Variants in CLCA4 observed in about 807,000 individuals in gnomAD.
The protein encoded by CLCA4 is calcium-activated chloride channel regulator 4.
A neutral mutation model predicts 78.9 loss-of-function variants in CLCA4; 69 were observed. The observed-to-expected ratio is 0.87, with a 90% confidence interval of 0.72 to 1.07. The LOEUF is 1.07. Ranked by LOEUF, CLCA4 falls within the 50% of genes least tolerant of loss-of-function variation. CLCA4 has a pLI of 0.00. For synonymous variants in CLCA4, 362 were observed against 375.8 expected (o/e 0.96, Z 0.42); for missense variants, 1,133 against 1,095.8 (o/e 1.03, Z -0.48).
Position 86,559,932 on chromosome 1 carries a change from G to C in CLCA4, c.160G>C (p.Asp54His), listed in dbSNP as rs764538668. The part of the protein sequence containing the change: ...EDEKIIEQIE[D>H]MVTTASTYLF... Reference sequence around the variant, plus strand: ...CACATATTTTTTCCTTTAATGACAGGATATGGTGACTACAGCTTCTACGTA... The same window carrying C: ...CACATATTTTTTCCTTTAATGACAGCATATGGTGACTACAGCTTCTACGTA... The change falls in exon 2 of 14, where the codon GAT becomes CAT. Residue 54 changes from aspartate to histidine, a missense_variant and splice_region_variant. Transcript: ENST00000370563. The C allele has an allele frequency of 5.0e-6, 8 of 1,591,604 alleles. No homozygotes were observed. The highest frequency in any genetic ancestry group is 6.8e-6 in the Non-Finnish European group (8 of 1,172,678).
At position 86,560,333 on chromosome 1, in the gene CLCA4, A is replaced by G. The variant is rs1558185542; in HGVS notation, c.423A>G (p.Lys141=). The change falls in exon 3 of 14, where the codon AAA becomes AAG. Residue 141 remains lysine (K), a synonymous_variant. Transcript: ENST00000370563. Reference sequence around the variant, plus strand: ...TCACCCCTGACCTTCTACTTGGAAAAAAACAAAATGAATATGGACCACCAG... The same window carrying G: ...TCACCCCTGACCTTCTACTTGGAAAGAAACAAAATGAATATGGACCACCAG... ...IHFTPDLLLG[K]KQNEYGPPGK... is the part of the protein sequence containing the mutation. The G allele has an allele frequency of 5.0e-6, 8 of 1,613,912 alleles. No homozygotes were observed.
At chr1:86,579,325 C>A in intron 12 of CLCA4, 29 bp from the exon 13 acceptor site, 1 of 1,532,166 alleles carries the variant, frequency 6.5e-7, no homozygotes, top group Non-Finnish European at 9.0e-7. Flanking sequence ...TAGTTTTGCC[C>A]ATTATAAACC....
rs374470040 is a variant in CLCA4 at position 86,552,704 on chromosome 1, G to A, written c.159+5426G>A. 4.5e-5 allele frequency: 59 copies of A among 1,315,142 alleles called. No individual in the cohort carries two copies. The African/African-American group carries it at 7.2e-4, about 16-fold the overall frequency. The allele number at this position is 1,315,142 out of a possible 1,614,324, so 81.5% of individuals were successfully genotyped here. ...GGAGCTGGGGCACGGGGTGACCGGA[G>A]CCAAGCCCTCGAGCCCTTCACAGGG... On this transcript the variant is annotated intron_variant, in intron 1 of 13. Transcript: ENST00000370563.
intron 1 of CLCA4, among the ~76,000 whole-genome samples, chr1:86,551,985 C>T (rs1417714590): frequency 6.6e-6 from 1 of 151,958 alleles, no homozygotes; most frequent in African/African-American, 2.4e-5. Flanking sequence ...GTATTGCACG[C>T]ACATTTAAAG....
chr1:86,579,017 T>C (rs1570340864), intron 12 of CLCA4, among the ~76,000 whole-genome samples: 1 of 152,036 alleles, frequency 6.6e-6, no homozygotes, highest in Non-Finnish European at 1.5e-5. Flanking sequence ...GGAGGAGAAC[T>C]GGCAATGATT....
At chr1:86,575,683 A>G in intron 11 of CLCA4, 84 bp downstream of exon 11, 1 of 1,230,206 alleles carries the variant, frequency 8.1e-7, no homozygotes, top group Non-Finnish European at 1.2e-6. Flanking sequence ...GAGCAGTAAG[A>G]CAGGCAACAG....
At chr1:86,562,424 C>T (rs1453203972) in intron 3 of CLCA4, among the ~76,000 whole-genome samples, 2 of 152,280 alleles carry the variant, frequency 1.3e-5, no homozygotes, top group African/African-American at 4.8e-5. Context: ...AGAAGAGTAA[C>T]TTAGGGACCT....
intron 3 of CLCA4, 121 bp from the exon 4 acceptor site, chr1:86,563,540 T>C: frequency 1.9e-6 from 1 of 512,862 alleles, no homozygotes; most frequent in Non-Finnish European, 3.5e-6. Context: ...AATATAAATG[T>C]TGATAGTTGT....
chr1:86,565,769 T>C (rs748724090), intron 5 of CLCA4, 33 bp from the exon 6 acceptor site: 1 of 1,282,382 alleles, frequency 7.8e-7, no homozygotes, highest in Non-Finnish European at 1.0e-6. Flanking sequence ...GCATGGTATA[T>C]TAAAATTATT....
At chr1:86,568,891 A>G (rs1047485374) in intron 7 of CLCA4, among the ~76,000 whole-genome samples, 3 of 151,998 alleles carry the variant, frequency 2.0e-5, no homozygotes, top group African/African-American at 7.2e-5. Context: ...GGTTTGTAAC[A>G]TGAAGTCCTG....
At chr1:86,553,889 T>C (rs981032824) in intron 1 of CLCA4, among the ~76,000 whole-genome samples, 13 of 152,178 alleles carry the variant, frequency 8.5e-5, no homozygotes, top group African/African-American at 2.9e-4. Flanking sequence ...TAAGCCAAGA[T>C]TGAGACATTG....
intron 1 of CLCA4, among the ~76,000 whole-genome samples, chr1:86,553,870 A>T (rs1246739050): frequency 6.6e-6 from 1 of 152,086 alleles, no homozygotes; most frequent in Non-Finnish European, 1.5e-5. Flanking sequence ...CGGGAGGCGG[A>T]GGTTGCAGTA....
chr1:86,578,415 A>G (rs543375673), intron 12 of CLCA4, among the ~76,000 whole-genome samples: 146 of 152,128 alleles, frequency 9.6e-4, no homozygotes, highest in Non-Finnish European at 1.7e-3. Context: ...TACTAAACCT[A>G]GTACCCAATA....
intron 8 of CLCA4, 192 bp downstream of exon 8, chr1:86,571,446 A>G (rs993301146): frequency 4.0e-6 from 2 of 504,372 alleles, no homozygotes; most frequent in Non-Finnish European, 7.1e-6. Flanking sequence ...AAATAACATA[A>G]TCAGATAGCA....
chr1:86,574,774 G>GAA lies in CLCA4; in HGVS notation c.1683+20_1683+21insAA. On this transcript the variant is annotated intron_variant, in intron 10 of 13. Transcript: ENST00000370563. ...TGCAAAGGTAAGCAATCAGCTTTTA[G>GAA]ACTTCCTGTCAACATTTTTAAAAAA... 1.9e-6 allele frequency: 3 copies of GAA among 1,562,106 alleles called. No homozygotes were observed. The highest frequency in any genetic ancestry group is 2.6e-6 in the Non-Finnish European group (3 of 1,133,698).
rs1649975616 is a variant in CLCA4, at chr1:86,560,222, A to G, written c.312A>G (p.Ile104Met). ...KHENHKHADV[I>M]VAPPTLPGRD... ...TTCAACATTCTCAGGCTGATGTTATAGTTGCACCACCTACACTCCCAGGTA... is the reference window on the plus strand; with the variant it reads ...TTCAACATTCTCAGGCTGATGTTATGGTTGCACCACCTACACTCCCAGGTA... Residue 104 changes from isoleucine to methionine, a missense_variant, in exon 3 of 14, where the codon ATA (isoleucine) becomes ATG (methionine). Physicochemically the swap from Ile to Met is conservative, Grantham distance 10. Coordinates refer to ENST00000370563, the MANE Select transcript of CLCA4 (RefSeq NM_012128.4). 6.2e-7 allele frequency: 1 copy of G among 1,608,076 alleles called. No individual in the cohort carries two copies. The highest frequency in any genetic ancestry group is 1.3e-5 in the African/African-American group (1 of 74,580).
chr1:86,574,311 T>G (rs1650443346), intron 9 of CLCA4, among the ~76,000 whole-genome samples: 1 of 152,198 alleles, frequency 6.6e-6, no homozygotes, highest in Middle Eastern at 3.4e-3. Context: ...GTCATATTCA[T>G]GACTGTAAAA....
intron 7 of CLCA4, among the ~76,000 whole-genome samples, chr1:86,568,568 TA>T (rs1570330892): frequency 1.3e-5 from 2 of 151,766 alleles, no homozygotes; most frequent in Admixed American, 6.6e-5. Flanking sequence ...CTGATATTAC[TA>T]AAAAGTCTCC....
intron 13 of CLCA4, 131 bp from the exon 14 acceptor site, chr1:86,579,811 G>C: frequency 1.3e-6 from 1 of 745,182 alleles, no homozygotes; most frequent in Middle Eastern, 3.9e-4. Context: ...CCAGAATTCA[G>C]CTTTTATTAA....
Sources: gnomAD v4.1 joint callset for allele counts (sites outside exome capture counted in the v4.1 genomes callset) on GRCh38, gnomAD v4.1.1 for gene constraint, MANE v1.5 for transcripts, NCBI Gene and HGNC (gene_info 2026-07-23, HGNC 2026-07-21) for gene names.